PEMT: variants seen among roughly 807,000 people sequenced by gnomAD.
The protein encoded by PEMT is phosphatidylethanolamine N-methyltransferase.
Under a neutral mutation model 27.4 loss-of-function variants are expected in PEMT, and 23 were observed. The observed-to-expected ratio is 0.84, with a 90% CI of 0.60 to 1.19. The LOEUF is 1.19. Ranked by LOEUF, PEMT falls within the 50% of genes most tolerant of loss-of-function variation. The pLI is 0.00. For synonymous variants in PEMT, 137 were observed against 139.1 expected (o/e 0.98, Z 0.11); for missense variants, 307 against 310.1 (o/e 0.99, Z 0.07).
At position 17,508,381 on chromosome 17, in the gene PEMT, G is replaced by A. The variant is rs566926328; in HGVS notation, c.578+1053C>T. The A allele has an allele frequency of 4.5e-5, 8 of 176,224 alleles. No individual in the cohort carries two copies. In the South Asian group the frequency reaches 8.5e-4, roughly 19 times the overall value. The allele number at this position is 176,224 out of a possible 1,614,324, so 10.9% of individuals were successfully genotyped here. ...CCTGGACGTGGGGTGGGGGTAGGGT[G>A]GGTCCCAGCCAGACCCACAGCCCCC... On this transcript the variant is annotated intron_variant, in intron 5 of 6. Coordinates refer to ENST00000255389, the MANE Select transcript of PEMT (RefSeq NM_148172.3).
rs987204453 is a variant in PEMT at position 17,561,282 on chromosome 17, A to G, written c.204+15638T>C. Among the ~76,000 whole-genome samples the G allele has an allele frequency of 1.3e-5, 2 of 152,182 alleles. No individual in the cohort carries two copies. The highest frequency in any genetic ancestry group is 4.8e-5 in the African/African-American group (2 of 41,454). ...ACACGACCCAGGAGGTGGAACCTAC[A>G]GGTAACCCTCTTTCACAGTTAAGAA... On this transcript the variant is annotated intron_variant, in intron 2 of 6. Coordinates refer to ENST00000255389, the MANE Select transcript of PEMT (RefSeq NM_148172.3). This position sits in a 1 kb window ranked among gnomAD's most constrained non-coding sequence, Gnocchi z 4.5.
intron 2 of PEMT, among the ~76,000 whole-genome samples, chr17:17,551,502 C>A (rs547160347): frequency 6.6e-6 from 1 of 152,216 alleles, no homozygotes; most frequent in South Asian, 2.1e-4. Context: ...CAGCCCAGTC[C>A]CTGATGAGAA....
At position 17,582,204 on chromosome 17, in the gene PEMT, C is replaced by T; in HGVS notation, c.97-5177G>A. 1.1e-6 allele frequency: 1 copy of T among 908,498 alleles called. No individual in the cohort carries two copies. Among genetic ancestry groups the T allele is most frequent in the Non-Finnish European group, 1.3e-6 (1 of 759,708 alleles). 56.3% of individuals were successfully genotyped at this position (908,498 alleles called of 1,614,324 possible). A position where few individuals can be genotyped will look rare whatever the true frequency, so the allele number is the denominator to read the frequency against. On this transcript the variant is annotated intron_variant, in intron 1 of 6. Coordinates refer to ENST00000255389, the MANE Select transcript of PEMT (RefSeq NM_148172.3). The surrounding 1 kb of genome is among the most constrained non-coding windows in gnomAD (Gnocchi z 4.9). ...GCTACCCAGTAATTCTAATGGAACC[C>T]CCACTCCAAGGCTCCAGGTTGCAGA... is the stretch of plus-strand genomic sequence containing the variant.
chr17:17,591,380 C>T (rs1470099128), intron 1 of PEMT, 151 bp downstream of exon 1: 2 of 664,222 alleles, frequency 3.0e-6, no homozygotes, highest in South Asian at 3.9e-5. Context: ...CGCTCCCGCA[C>T]GCGGCTCCCC....
At chr17:17,576,401 G>C (rs1911591029) in intron 2 of PEMT, among the ~76,000 whole-genome samples, 1 of 152,192 alleles carries the variant, frequency 6.6e-6, no homozygotes, top group Non-Finnish European at 1.5e-5. Context: ...ATGCCGGCTT[G>C]CTCCTGCCAC....
chr17:17,553,119 C>T (rs554154128), intron 2 of PEMT, among the ~76,000 whole-genome samples: 4 of 152,342 alleles, frequency 2.6e-5, no homozygotes, highest in East Asian at 1.9e-4. Flanking sequence ...TCCCCACACA[C>T]GGTGTCCTCA....
intron 2 of PEMT, among the ~76,000 whole-genome samples, chr17:17,538,754 G>C (rs1423832387): frequency 6.6e-6 from 1 of 152,192 alleles, no homozygotes; most frequent in African/African-American, 2.4e-5. Flanking sequence ...AGTAGCTTAG[G>C]AGTGACTCCA....
rs186186935 is a variant in PEMT, at chr17:17,520,754, C to T, written c.320+1526G>A. On this transcript the variant is annotated intron_variant, in intron 3 of 6. Coordinates refer to ENST00000255389, the MANE Select transcript of PEMT (RefSeq NM_148172.3). The stretch of plus-strand genomic sequence containing the variant: ...AAGACCGTGGGATAGCCACCCAGGC[C>T]TAGAGAAAGCAGGCAGCCCTGGCCC... Among the ~76,000 whole-genome samples the T allele has an allele frequency of 3.1e-3, 474 of 152,364 alleles. 3 individuals are homozygous for T. Among genetic ancestry groups the T allele is most frequent in the Admixed American group, 8.5e-3 (130 of 15,312 alleles).
At chr17:17,543,542 C>T (rs182799017) in intron 2 of PEMT, among the ~76,000 whole-genome samples, 2 of 152,110 alleles carry the variant, frequency 1.3e-5, no homozygotes, top group Admixed American at 6.5e-5. Context: ...AATGCTCTCA[C>T]GACAAAGGGC....
At chr17:17,573,213 G>T (rs904285462) in intron 2 of PEMT, among the ~76,000 whole-genome samples, 1 of 149,750 alleles carries the variant, frequency 6.7e-6, no homozygotes, top group Non-Finnish European at 1.5e-5. Context: ...GGCCTGGCGC[G>T]GTGGCTCATG....
chr17:17,523,961 C>T lies in PEMT; in HGVS notation c.205-1566G>A, dbSNP rs75027697. ...CCCCTGGCAACCACTCATCGCTTTC[C>T]GTTGCTATGGATTCACCTATTCTGG... On this transcript the variant is annotated intron_variant, in intron 2 of 6. Transcript: ENST00000255389. This position sits in a 1 kb window ranked among gnomAD's most constrained non-coding sequence, Gnocchi z 4.8. 3.3e-3 allele frequency among the ~76,000 whole-genome samples: 509 copies of T among 152,276 alleles called. 2 individuals are homozygous for T. The highest frequency in any genetic ancestry group is 0.012 in the African/African-American group (488 of 41,544).
chr17:17,511,903 T>C (rs3785499), intron 4 of PEMT, among the ~76,000 whole-genome samples: 56,712 of 151,098 alleles, frequency 0.38, 12,996 homozygotes, highest in Non-Finnish European at 0.53. Flanking sequence ...ATCAGGGTCA[T>C]TGGTGGGCGT....
intron 2 of PEMT, among the ~76,000 whole-genome samples, chr17:17,576,226 G>T (rs1911576301): frequency 1.3e-5 from 2 of 152,132 alleles, no homozygotes; most frequent in African/African-American, 4.8e-5. Flanking sequence ...TCTCAGAAAG[G>T]CTGCAGAAGG....
intron 1 of PEMT, among the ~76,000 whole-genome samples, chr17:17,578,998 C>A (rs972401489): frequency 6.6e-6 from 1 of 152,162 alleles, no homozygotes; most frequent in Non-Finnish European, 1.5e-5. Context: ...GAGCTGTGAT[C>A]TTTCCCATAA....
Position 17,523,560 on chromosome 17 carries a change from CT to C in PEMT, c.205-1166del, listed in dbSNP as rs1484045405. Reference sequence around the variant, plus strand: ...GAAGTGAAGGAGGTAGCTCCCGGGCCTTCCCCTCAACCAGCTGTTGGCACTG... The same window carrying C: ...GAAGTGAAGGAGGTAGCTCCCGGGCCTCCCCTCAACCAGCTGTTGGCACTG... On this transcript the variant is annotated intron_variant, in intron 2 of 6. Transcript: ENST00000255389. This position sits in a 1 kb window ranked among gnomAD's most constrained non-coding sequence, Gnocchi z 4.8. Among the ~76,000 whole-genome samples the C allele has an allele frequency of 5.3e-5, 8 of 152,290 alleles. No homozygotes were observed. Among genetic ancestry groups the C allele is most frequent in the African/African-American group, 1.9e-4 (8 of 41,568 alleles).
chr17:17,552,789 G>T (rs1909752046), intron 2 of PEMT, among the ~76,000 whole-genome samples: 1 of 152,242 alleles, frequency 6.6e-6, no homozygotes, highest in Admixed American at 6.5e-5. Context: ...TCCCGCACCT[G>T]ACTTTCTGAG....
chr17:17,582,463 T>C lies in PEMT; in HGVS notation c.97-5436A>G. ...ATCTGCAGTGGGTCAACATGTCACA[T>C]TGTGACACATGGACAAACAGCAGGC... On this transcript the variant is annotated intron_variant, in intron 1 of 6. Coordinates refer to ENST00000255389, the MANE Select transcript of PEMT (RefSeq NM_148172.3). The surrounding 1 kb of genome is among the most constrained non-coding windows in gnomAD (Gnocchi z 4.9). 3.1e-6 allele frequency: 3 copies of C among 979,338 alleles called. No homozygotes were observed. The highest frequency in any genetic ancestry group is 2.4e-6 in the Non-Finnish European group (2 of 824,360). 60.7% of individuals were successfully genotyped at this position (979,338 alleles called of 1,614,324 possible).
In PEMT at chr17:17,512,540, G is replaced by A; in HGVS notation, c.435C>T (p.Phe145=). ...GLGVVLVLSS[F]FALGFAGTFL... ...AAGTTCCAGCGAACCCCAGTGCAAA[G>A]AAGCTGGAGAGCACGAGCACGACGC... Residue 145 remains phenylalanine, a synonymous_variant, in exon 4 of 7, where the codon TTC becomes TTT. Coordinates refer to ENST00000255389, the MANE Select transcript of PEMT (RefSeq NM_148172.3). This position sits in a 1 kb window ranked among gnomAD's most constrained non-coding sequence, Gnocchi z 6.3. 6.2e-7 allele frequency: 1 copy of A among 1,606,932 alleles called. No homozygotes were observed. The highest frequency in any genetic ancestry group is 8.5e-7 in the Non-Finnish European group (1 of 1,176,478).
chr17:17,571,424 G>C (rs1911185401), intron 2 of PEMT, among the ~76,000 whole-genome samples: 1 of 152,134 alleles, frequency 6.6e-6, no homozygotes, highest in Non-Finnish European at 1.5e-5. Context: ...AAGAGCAGGA[G>C]GAGGCCTTGG....
Sources: allele counts gnomAD v4.1 joint callset (sites outside exome capture counted in the v4.1 genomes callset), GRCh38; gene constraint gnomAD v4.1.1; non-coding constraint Gnocchi (gnomAD v3.1); transcripts MANE v1.5; gene names NCBI Gene and HGNC (gene_info 2026-07-23, HGNC 2026-07-21).